Variants in XRN1 observed in about 807,000 individuals in gnomAD.
XRN1 encodes the protein 5'-3' exoribonuclease 1.
A neutral mutation model predicts 222.3 loss-of-function variants in XRN1; 67 were observed. That is an observed-to-expected ratio of 0.30 (90% CI 0.25 to 0.37). XRN1 has a LOEUF of 0.37. Ranked by LOEUF, XRN1 falls within the 10% of genes least tolerant of loss-of-function variation. The pLI is 1.00. For missense variants in XRN1, 1,707 were observed against 2,000.2 expected, an observed-to-expected ratio of 0.85 and a Z score of 2.80; for synonymous variants, 643 against 652.4, an observed-to-expected ratio of 0.99 and a Z score of 0.22.
chr3:142,310,968 C>A lies in XRN1; in HGVS notation c.*543G>T, dbSNP rs2107839607. 6.5e-6 allele frequency: 1 copy of A among 152,802 alleles called. No homozygotes were observed. The highest frequency in any genetic ancestry group is 1.9e-4 in the East Asian group (1 of 5,192). The allele number at this position is 152,802 out of a possible 1,614,324, so 9.5% of individuals were successfully genotyped here. ...CTTTCACAGCAGGTCTAAAGACCCT[C>A]AGAGGCAACAAAGCATAAGTTAAAA... On this transcript the variant is annotated 3_prime_UTR_variant, in exon 41 of 41. Coordinates refer to ENST00000392981, the MANE Select transcript of XRN1 (RefSeq NM_001282857.2).
At chr3:142,384,470 T>G in intron 21 of XRN1, 53 bp downstream of exon 21, 1 of 1,383,572 alleles carries the variant, frequency 7.2e-7, no homozygotes, top group Admixed American at 2.2e-5. Context: ...ATACAGTGAA[T>G]AGTGTATTAA....
rs1335166633 is a variant in XRN1 at position 142,334,677 on chromosome 3, GTA to G, written c.3939+769_3939+770del. ...TATAAGACCATATATATGTCTATGT[GTA>G]TATATATAAGACCATATATATATGT... On this transcript the variant is annotated intron_variant, in intron 34 of 40. Coordinates refer to ENST00000392981, the MANE Select transcript of XRN1 (RefSeq NM_001282857.2). Among the ~76,000 whole-genome samples, 6 of 124,944 alleles carry G rather than the reference GTA, an allele frequency of 4.8e-5. No individual in the cohort carries two copies. The East Asian group carries it at 1.4e-3, about 29-fold the overall frequency. 82.0% of individuals were successfully genotyped at this position (124,944 alleles called of 152,430 possible).
rs151183465 is a variant in XRN1 at position 142,433,590 on chromosome 3, A to C, written c.76-697T>G. Among the ~76,000 whole-genome samples the C allele has an allele frequency of 5.1e-3, 782 of 152,304 alleles. 9 individuals carry two copies. Among genetic ancestry groups the C allele is most frequent in the African/African-American group, 0.018 (760 of 41,576 alleles). On this transcript the variant is annotated intron_variant, in intron 1 of 40. Coordinates refer to ENST00000392981, the MANE Select transcript of XRN1 (RefSeq NM_001282857.2). ...GGAACTCTTGGTCCCACCAGGAACA[A>C]AAATTTTTTTAACTAAAAATAAAAA...
Position 142,403,682 on chromosome 3 carries a change from C to T in XRN1, c.2095G>A (p.Asp699Asn). ...ATAAATAAAATACTTACAAGTTCAT[C>T]TGATTCTGCATCCACTAAGATTTCC... ...MLEILVDAESDELTVENVASS... is the reference protein window; with the variant it reads ...MLEILVDAESNELTVENVASS... The change falls in exon 18 of 41, where the codon GAT (aspartate) becomes AAT (asparagine). Residue 699 changes from aspartate (D) to asparagine (N), a missense_variant. Around this residue, in one of 2 missense-constraint regions of XRN1, gnomAD observed 1,234 missense variants for 1,518.2 expected, o/e 0.81. Transcript: ENST00000392981. 6.2e-7 allele frequency: 1 copy of T among 1,612,560 alleles called. No individual in the cohort carries two copies. The highest frequency in any genetic ancestry group is 8.5e-7 in the Non-Finnish European group (1 of 1,179,018).
chr3:142,447,164 AATATTATT>A lies in XRN1; in HGVS notation c.75+698_75+705del, dbSNP rs1298718852. On this transcript the variant is annotated intron_variant, in intron 1 of 40. Transcript: ENST00000392981. The surrounding 1 kb of genome is among the most constrained non-coding windows in gnomAD (Gnocchi z 4.2). ...GTTGTCCTGGGGTCAGTACATGCCA[AATATTATT>A]AGTAGTATTAATGTTCTATCAATTC... 6.6e-6 allele frequency among the ~76,000 whole-genome samples: 1 copy of A among 152,138 alleles called. No individual in the cohort carries two copies. Among genetic ancestry groups the A allele is most frequent in the Non-Finnish European group, 1.5e-5 (1 of 68,036 alleles).
At chr3:142,314,454 C>T (rs2065153399) in intron 39 of XRN1, among the ~76,000 whole-genome samples, 1 of 151,968 alleles carries the variant, frequency 6.6e-6, no homozygotes, top group Admixed American at 6.5e-5. Context: ...GTACCCTACA[C>T]ATACTAATTA....
chr3:142,349,114 G>A (rs914498706), intron 32 of XRN1, among the ~76,000 whole-genome samples: 2 of 151,470 alleles, frequency 1.3e-5, no homozygotes, highest in African/African-American at 4.9e-5. Context: ...CACTATGCCT[G>A]GCTAATTTTC....
At chr3:142,360,459 T>C (rs1044783742) in intron 29 of XRN1, among the ~76,000 whole-genome samples, 1 of 152,144 alleles carries the variant, frequency 6.6e-6, no homozygotes, top group Admixed American at 6.5e-5. Context: ...TTTGCTATTA[T>C]AAACAATGCT....
At chr3:142,409,181 G>A (rs968412134) in intron 15 of XRN1, among the ~76,000 whole-genome samples, 4 of 151,872 alleles carry the variant, frequency 2.6e-5, no homozygotes, top group African/African-American at 7.3e-5. Context: ...TTTGATAAAT[G>A]GAAATTTTTT....
At position 142,404,952 on chromosome 3, in the gene XRN1, G is replaced by A; in HGVS notation, c.1838C>T (p.Ser613Phe). 2 of 1,614,040 alleles carry A rather than the reference G, an allele frequency of 1.2e-6. No individual in the cohort carries two copies. The highest frequency in any genetic ancestry group is 1.6e-4 in the Middle Eastern group (1 of 6,062). Residue 613 changes from serine to phenylalanine, a missense_variant, in exon 16 of 41, where the codon TCT (serine) becomes TTT (phenylalanine). This residue lies in a region of XRN1 where 1,234 missense variants were observed against 1,518.2 expected (regional missense o/e 0.81). Transcript: ENST00000392981. ...YDRDTEFIYPSPWPEKFPAIE... is the reference protein window; with the variant it reads ...YDRDTEFIYPFPWPEKFPAIE... The stretch of plus-strand genomic sequence containing the variant: ...GGCAGGGAACTTTTCTGGCCATGGA[G>A]AAGGATAGATAAACTCTGTGTCTCT...
chr3:142,392,676 A>C (rs1264107534), intron 20 of XRN1, among the ~76,000 whole-genome samples: 2 of 151,496 alleles, frequency 1.3e-5, no homozygotes, highest in Non-Finnish European at 2.9e-5. Context: ...ATGGCTGCAT[A>C]GTATTCCATG....
At chr3:142,354,684 G>A (rs1213428855) in intron 32 of XRN1, among the ~76,000 whole-genome samples, 1 of 151,990 alleles carries the variant, frequency 6.6e-6, no homozygotes, top group East Asian at 1.9e-4. Flanking sequence ...TCACCATCAC[G>A]AGTAGCTGGC....
chr3:142,393,806 C>G (rs764914299), intron 20 of XRN1, among the ~76,000 whole-genome samples: 14 of 152,006 alleles, frequency 9.2e-5, no homozygotes, highest in Admixed American at 3.9e-4. Flanking sequence ...ATTTCCAAAC[C>G]ACTAAACTTT....
rs757293926 is a variant in XRN1 at position 142,311,780 on chromosome 3, A to T, written c.4816T>A (p.Phe1606Ile). 3 of 1,600,898 alleles carry T rather than the reference A, an allele frequency of 1.9e-6. No individual in the cohort carries two copies. In the African/African-American group the frequency reaches 4.1e-5, roughly 22 times the overall value. ...TKKRVANKKN[F>I]ENKEAQSSQA... The stretch of plus-strand genomic sequence containing the variant: ...GAACTCTGGGCTTCCTTATTCTCAA[A>T]GTTCTTTTTGTTTGCAACCCTTTTT... The change falls in exon 41 of 41, where the codon TTT (phenylalanine) becomes ATT (isoleucine). Residue 1606 changes from phenylalanine (F) to isoleucine (I), a missense_variant. Physicochemically the swap from Phe to Ile is conservative, Grantham distance 21. Coordinates refer to ENST00000392981, the MANE Select transcript of XRN1 (RefSeq NM_001282857.2).
At chr3:142,348,046 A>G (rs1010010972) in intron 32 of XRN1, among the ~76,000 whole-genome samples, 1 of 152,170 alleles carries the variant, frequency 6.6e-6, no homozygotes, top group Non-Finnish European at 1.5e-5. Context: ...ATTTGCTTCA[A>G]AATAATCCCA....
At chr3:142,322,241 G>A (rs1185902592) in intron 37 of XRN1, among the ~76,000 whole-genome samples, 1 of 152,046 alleles carries the variant, frequency 6.6e-6, no homozygotes, top group African/African-American at 2.4e-5. Flanking sequence ...TTTAGAGTTG[G>A]GGTCTCACTC....
chr3:142,442,949 G>A (rs988891115), intron 1 of XRN1, among the ~76,000 whole-genome samples: 2 of 152,102 alleles, frequency 1.3e-5, no homozygotes, highest in Admixed American at 1.3e-4. Context: ...TAGCCAGGAT[G>A]GTCTCAATCT....
At chr3:142,445,474 A>G (rs2070461371) in intron 1 of XRN1, among the ~76,000 whole-genome samples, 1 of 152,178 alleles carries the variant, frequency 6.6e-6, no homozygotes, top group Non-Finnish European at 1.5e-5. Flanking sequence ...TTTTATGTGA[A>G]TTTAATTTTC....
intron 9 of XRN1, 101 bp downstream of exon 9, chr3:142,421,375 G>T: frequency 1.0e-6 from 1 of 1,001,924 alleles, no homozygotes; most frequent in Non-Finnish European, 1.4e-6. Flanking sequence ...TAAGCAATTG[G>T]AATAGAATTA....
Sources: gnomAD v4.1 joint callset for allele counts (sites outside exome capture counted in the v4.1 genomes callset) on GRCh38, gnomAD v4.1.1 for gene constraint, gnomAD v4.1.1 regional missense constraint, Gnocchi (gnomAD v3.1) non-coding constraint, MANE v1.5 for transcripts, NCBI Gene and HGNC (gene_info 2026-07-23, HGNC 2026-07-21) for gene names.